Variants in MBOAT7 observed in about 807,000 individuals in gnomAD.
The protein encoded by MBOAT7 is membrane-bound acylglycerophosphatidylinositol O-acyltransferase MBOAT7.
MBOAT7 carries 40 observed loss-of-function variants against 47.4 expected under a neutral mutation model. That is an observed-to-expected ratio of 0.84 (90% CI 0.66 to 1.10). The LOEUF (loss-of-function observed/expected upper bound fraction) is 1.10, where lower values mean the gene tolerates loss of function less well. MBOAT7 is among the 50% of genes least tolerant of loss of function. The pLI is 0.00. For synonymous variants in MBOAT7, 361 were observed against 292.0 expected (o/e 1.24, Z -2.41); for missense variants, 680 against 655.6 (o/e 1.04, Z -0.41).
intron 7 of MBOAT7, among the ~76,000 whole-genome samples, chr19:54,176,946 G>C (rs1211270157): frequency 1.3e-5 from 2 of 151,814 alleles, no homozygotes; most frequent in African/African-American, 4.8e-5. Flanking sequence ...TTTTGGCCGG[G>C]CATGGTGACT....
In MBOAT7 at chr19:54,173,709, G is replaced by A; in HGVS notation, c.*335C>T. The A allele has an allele frequency of 3.2e-6, 1 of 314,710 alleles. No individual in the cohort carries two copies. The highest frequency in any genetic ancestry group is 5.8e-6 in the Non-Finnish European group (1 of 171,528). The allele number at this position is 314,710 out of a possible 1,614,324, so 19.5% of individuals were successfully genotyped here. A position where few individuals can be genotyped will look rare whatever the true frequency, so the allele number is the denominator to read the frequency against. ...CCCCAAGCTCCGACCCCACATTGTG[G>A]ATGCAAAGAAAGGGAATTTGCCCAA... is the stretch of plus-strand genomic sequence containing the variant. On this transcript the variant is annotated 3_prime_UTR_variant, in exon 8 of 8. Transcript: ENST00000245615.
rs779894517 is a variant in MBOAT7 at position 54,180,919 on chromosome 19, G to A, written c.708C>T (p.Pro236=). Residue 236 remains proline, a synonymous_variant, in exon 6 of 8, where the codon CCC becomes CCT. Transcript: ENST00000245615. This position sits in a 1 kb window ranked among gnomAD's most constrained non-coding sequence, Gnocchi z 5.2. ...PLPARLFYMI[P]VFFAFRMRFY... ...AGCGCATGCGGAAGGCGAAGAAGAC[G>A]GGGATCATGTAGAAGAGGCGGGCGG... The A allele has an allele frequency of 8.8e-6, 14 of 1,598,168 alleles. No individual in the cohort carries two copies. The highest frequency in any genetic ancestry group is 1.7e-4 in the Middle Eastern group (1 of 6,010).
rs1042353327 is a variant in MBOAT7 at position 54,174,718 on chromosome 19, G to T, written c.1032-287C>A. Reference sequence around the variant, plus strand: ...CACTTCCCTCCTCCCTCAGATCCAGGAGACCAGACCCCACCTCCCTCCTCC... The same window carrying T: ...CACTTCCCTCCTCCCTCAGATCCAGTAGACCAGACCCCACCTCCCTCCTCC... On this transcript the variant is annotated intron_variant, in intron 7 of 7. Transcript: ENST00000245615. Among the ~76,000 whole-genome samples the T allele has an allele frequency of 5.4e-5, 8 of 148,518 alleles. 1 individual carries two copies. The Admixed American group carries it at 5.5e-4, about 10-fold the overall frequency.
chr19:54,178,491 A>G, intron 7 of MBOAT7: 1 of 1,337,536 alleles, frequency 7.5e-7, no homozygotes, highest in Non-Finnish European at 9.5e-7. Flanking sequence ...GATTCCAGGA[A>G]GGCTGGCTAT....
In MBOAT7 at chr19:54,187,926, A is replaced by G. The variant is rs1600678936; in HGVS notation, c.206+291T>C. On this transcript the variant is annotated intron_variant, in intron 3 of 7. Coordinates refer to ENST00000245615, the MANE Select transcript of MBOAT7 (RefSeq NM_024298.5). ...GCTACTTGGGAGGCTGAGGCAAGAGAATCGCTTGAACCCGGGAGGTGGAGG... is the reference window on the plus strand; with the variant it reads ...GCTACTTGGGAGGCTGAGGCAAGAGGATCGCTTGAACCCGGGAGGTGGAGG... Among the ~76,000 whole-genome samples the G allele has an allele frequency of 2.0e-5, 3 of 151,924 alleles. No homozygotes were observed. In the South Asian group the frequency reaches 6.2e-4, roughly 32 times the overall value.
intron 3 of MBOAT7, among the ~76,000 whole-genome samples, chr19:54,187,562 C>A (rs771529965): frequency 1.3e-5 from 2 of 152,164 alleles, no homozygotes; most frequent in Non-Finnish European, 2.9e-5. Flanking sequence ...TCCACTTTTT[C>A]TTTATTTCCG....
At chr19:54,186,877 G>A (rs1470216401) in intron 4 of MBOAT7, 3 of 453,090 alleles carry the variant, frequency 6.6e-6, no homozygotes, top group African/African-American at 3.9e-5. Flanking sequence ...ACAGCATGTT[G>A]GTAAACCACC....
chr19:54,175,879 C>G (rs1031717437), intron 7 of MBOAT7, among the ~76,000 whole-genome samples: 1 of 152,218 alleles, frequency 6.6e-6, no homozygotes, highest in Non-Finnish European at 1.5e-5. Context: ...TGCCCACCAC[C>G]ATGCCAGGCT....
At position 54,188,225 on chromosome 19, in the gene MBOAT7, G is replaced by A. The variant is rs775540527; in HGVS notation, c.198C>T (p.Ala66=). Residue 66 remains alanine, a synonymous_variant, in exon 3 of 8, where the codon GCC becomes GCT. Transcript: ENST00000245615. ...CTCCACCAAATTCTCACCAGGGCTGGGCCTGAATGAGGGCCCAGGTCCCGA... is the reference window on the plus strand; with the variant it reads ...CTCCACCAAATTCTCACCAGGGCTGAGCCTGAATGAGGGCCCAGGTCCCGA... ...TILGTWALIQ[A]QPCSCHALAL... 5 of 1,611,956 alleles carry A rather than the reference G, an allele frequency of 3.1e-6. No individual in the cohort carries two copies. In the East Asian group the frequency reaches 6.7e-5, roughly 22 times the overall value.
intron 7 of MBOAT7, among the ~76,000 whole-genome samples, chr19:54,176,400 A>G (rs1038552709): frequency 6.6e-6 from 1 of 151,572 alleles, no homozygotes; most frequent in Non-Finnish European, 1.5e-5. Context: ...GAGGCTAAAA[A>G]TACAAAGATT....
chr19:54,187,052 A>C lies in MBOAT7; in HGVS notation c.333+109T>G, dbSNP rs920853741. 1.2e-5 allele frequency: 16 copies of C among 1,350,512 alleles called. No individual in the cohort carries two copies. In the African/African-American group the frequency reaches 1.9e-4, roughly 16 times the overall value. 83.7% of individuals were successfully genotyped at this position (1,350,512 alleles called of 1,614,324 possible). On this transcript the variant is annotated intron_variant, in intron 4 of 7. Transcript: ENST00000245615. ...GCAAGTGAGGTGACGTCCCACCCCC[A>C]GGGTGTGTTGGAGGTAAAATCCCGG...
chr19:54,181,084 G>A lies in MBOAT7; in HGVS notation c.543C>T (p.Phe181=). The A allele has an allele frequency of 1.3e-6, 2 of 1,523,402 alleles. No individual in the cohort carries two copies. The highest frequency in any genetic ancestry group is 1.8e-6 in the Non-Finnish European group (2 of 1,135,256). The allele number at this position is 1,523,402 out of a possible 1,614,324, so 94.4% of individuals were successfully genotyped here. ...RTYLDWLEQP[F]PGAVPSLRPL... is the part of the protein sequence containing the mutation. ...GCCGCAGGCTGGGCACTGCCCCGGG[G>A]AAGGGCTGCTCCAGCCAGTCCAGGT... is the stretch of plus-strand genomic sequence containing the variant. Residue 181 remains phenylalanine, a synonymous_variant, in exon 6 of 8, where the codon TTC becomes TTT. Transcript: ENST00000245615.
chr19:54,181,158 C>A (rs775813487), intron 5 of MBOAT7, 25 bp from the exon 6 acceptor site: 13 of 1,450,128 alleles, frequency 9.0e-6, no homozygotes, highest in African/African-American at 1.4e-5. Flanking sequence ...GGGAGGGCCG[C>A]GGTCAGACAG....
In MBOAT7 at chr19:54,185,368, C is replaced by A. The variant is rs113255133; in HGVS notation, c.334-1688G>T. Among the ~76,000 whole-genome samples, 703 of 152,218 alleles carry A rather than the reference C, an allele frequency of 4.6e-3. 19 individuals carry two copies. In the South Asian group the frequency reaches 0.083, roughly 18 times the overall value. On this transcript the variant is annotated intron_variant, in intron 4 of 7. Coordinates refer to ENST00000245615, the MANE Select transcript of MBOAT7 (RefSeq NM_024298.5). ...AGCCACTGCACCAGGCCTACACAAC[C>A]CTTTTTCCATCCAGGTACCACAACC...
intron 7 of MBOAT7, chr19:54,178,426 G>C: frequency 7.9e-7 from 1 of 1,265,698 alleles, no homozygotes; most frequent in Non-Finnish European, 1.0e-6. Context: ...CAACACTTGA[G>C]GCAACTAAGA....
rs79199039 is a variant in MBOAT7 at position 54,174,099 on chromosome 19, C to T, written c.1364G>A (p.Arg455Gln). The T allele has an allele frequency of 0.011, 17,165 of 1,607,288 alleles. 114 individuals carry two copies. Among genetic ancestry groups the T allele is most frequent in the Non-Finnish European group, 0.012 (14,578 of 1,177,466 alleles). ...GCTGGTGGGCTGGGATGCTGCCTTC[C>T]GCCGGCTGGGGCTGCCCCCACCTAA... Reference protein sequence around the residue: ...LALGGGSPSRRKAASQPTSLA... With the variant: ...LALGGGSPSRQKAASQPTSLA... Residue 455 changes from arginine (R) to glutamine (Q), a missense_variant, in exon 8 of 8, where the codon CGG (arginine) becomes CAG (glutamine). By Grantham distance (43) the Arg-to-Gln change is conservative. Transcript: ENST00000245615.
chr19:54,178,628 A>C, intron 7 of MBOAT7, 137 bp downstream of exon 7: 2 of 1,441,392 alleles, frequency 1.4e-6, no homozygotes, highest in South Asian at 2.9e-5. Context: ...GAGGCAGGGC[A>C]AAACCAGGCT....
In MBOAT7 at chr19:54,173,825, TG is replaced by T; in HGVS notation, c.*218del. On this transcript the variant is annotated 3_prime_UTR_variant, in exon 8 of 8. Coordinates refer to ENST00000245615, the MANE Select transcript of MBOAT7 (RefSeq NM_024298.5). ...GGAGCAGGGGCCAGTGACTCTTGTC[TG>T]GACAATACTTTGATTTTGTAGGAGT... The T allele has an allele frequency of 3.8e-6, 2 of 522,542 alleles. No homozygotes were observed. Among genetic ancestry groups the T allele is most frequent in the Non-Finnish European group, 6.6e-6 (2 of 305,186 alleles). The allele number at this position is 522,542 out of a possible 1,614,324, so 32.4% of individuals were successfully genotyped here.
intron 3 of MBOAT7, among the ~76,000 whole-genome samples, 156 bp downstream of exon 3, chr19:54,188,059 AAG>A (rs1413361147): frequency 3.8e-5 from 2 of 52,674 alleles, no homozygotes; most frequent in South Asian, 6.0e-4. Context: ...GAAAGAAAGA[AAG>A]AAAGAAAGAC....
Sources: gnomAD v4.1 joint callset for allele counts (sites outside exome capture counted in the v4.1 genomes callset) on GRCh38, gnomAD v4.1.1 for gene constraint, Gnocchi (gnomAD v3.1) non-coding constraint, MANE v1.5 for transcripts, NCBI Gene and HGNC (gene_info 2026-07-23, HGNC 2026-07-21) for gene names.